Variants in DMD observed in about 807,000 individuals in gnomAD.
DMD encodes the protein dystrophin.
DMD carries 63 observed loss-of-function variants against 330.1 expected under a neutral mutation model. The ratio of observed to expected loss-of-function variants is 0.19; its 90% CI spans 0.16 to 0.24. The LOEUF is 0.24. DMD is among the 10% of genes least tolerant of loss of function. The pLI, the probability that DMD is intolerant of heterozygous loss-of-function variation, is 1.00. For missense variants in DMD, 3,344 were observed against 2,684.1 expected (o/e 1.25, Z -5.43); for synonymous variants, 1,223 against 959.8 (o/e 1.27, Z -5.07).
At chrX:33,124,158 G>A (rs1477278959) in intron 1 of DMD, among the ~76,000 whole-genome samples, 1 of 103,839 alleles carries the variant, frequency 9.6e-6, no homozygotes, top group Non-Finnish European at 2.0e-5. Context: ...AGAGGGAGAC[G>A]CTGTCTCAAA....
intron 2 of DMD, among the ~76,000 whole-genome samples, chrX:32,947,325 A>G (rs1319641584): frequency 8.9e-6 from 1 of 112,098 alleles, no homozygotes; most frequent in African/African-American, 3.2e-5. Flanking sequence ...TAAAATCTCA[A>G]AGTGAAGTTG....
intron 7 of DMD, among the ~76,000 whole-genome samples, chrX:32,750,569 AG>A (rs1178162350): frequency 1.8e-5 from 2 of 110,928 alleles, no homozygotes; most frequent in Non-Finnish European, 3.8e-5. Flanking sequence ...TGACAGTGAC[AG>A]GAAGCAGAGC....
chrX:32,849,709 T>A lies in DMD; in HGVS notation c.186+19A>T. 8.7e-7 allele frequency: 1 copy of A among 1,146,519 alleles called. No homozygotes were observed. Among genetic ancestry groups the A allele is most frequent in the Non-Finnish European group, 1.2e-6 (1 of 836,527 alleles). The allele number at this position is 1,146,519 out of a possible 1,213,427, so 94.5% of individuals were successfully genotyped here. A position where few individuals can be genotyped will look rare whatever the true frequency, so the allele number is the denominator to read the frequency against. On this transcript the variant is annotated intron_variant, in intron 3 of 78. Transcript: ENST00000357033. ...TCTACTAAGTTTAAAGTTAACTTTC[T>A]TAAAAATAAGTCACATACCAGTTTT...
chrX:31,505,266 C>G (rs780223637), intron 56 of DMD, among the ~76,000 whole-genome samples: 131 of 111,619 alleles, frequency 1.2e-3, no homozygotes, highest in African/African-American at 4.0e-3. Context: ...GCTAATAGAG[C>G]CTCCCTATCT....
chrX:31,800,954 T>A (rs113900185), intron 50 of DMD, among the ~76,000 whole-genome samples: 13,356 of 110,804 alleles, frequency 0.12, 596 homozygotes, highest in East Asian at 0.18. Context: ...AAGTTTCAAA[T>A]TTTCCCACAT....
chrX:31,491,780 T>C (rs1419476824), intron 57 of DMD, among the ~76,000 whole-genome samples: 1 of 111,790 alleles, frequency 8.9e-6, no homozygotes, highest in Non-Finnish European at 1.9e-5. Flanking sequence ...TGACAGCAAT[T>C]GATATTGACT....
At position 31,429,832 on chromosome X, in the gene DMD, G is replaced by A. The variant is rs150861562; in HGVS notation, c.9084+14649C>T. On this transcript the variant is annotated intron_variant, in intron 60 of 78. Coordinates refer to ENST00000357033, the MANE Select transcript of DMD (RefSeq NM_004006.3). ...TCAGATGGCTGGGAAGAGGGAGATG[G>A]GGCAGTTGCTGTCTAATTAGTGTGG... Among the ~76,000 whole-genome samples, 735 of 110,308 alleles carry A rather than the reference G, an allele frequency of 6.7e-3. 7 individuals carry two copies. The highest frequency in any genetic ancestry group is 0.023 in the African/African-American group (708 of 30,276).
chrX:31,496,058 G>A (rs1362499691), intron 57 of DMD, among the ~76,000 whole-genome samples: 1 of 111,830 alleles, frequency 8.9e-6, no homozygotes, highest in East Asian at 2.8e-4. Context: ...TACTACAGTT[G>A]CATGACATAT....
chrX:31,745,854 T>A (rs1290811667), intron 51 of DMD, among the ~76,000 whole-genome samples: 1 of 112,212 alleles, frequency 8.9e-6, no homozygotes, highest in Admixed American at 9.5e-5. Flanking sequence ...GAAATTGAGA[T>A]CTCTCTGGAA....
intron 7 of DMD, among the ~76,000 whole-genome samples, chrX:32,767,736 T>C (rs936789169): frequency 2.5e-4 from 28 of 111,788 alleles, no homozygotes; most frequent in Admixed American, 2.2e-3. Context: ...TATAAAACAT[T>C]ATGCAAGTAT....
chrX:32,920,821 G>A (rs1445350695), intron 2 of DMD, among the ~76,000 whole-genome samples: 2 of 112,007 alleles, frequency 1.8e-5, no homozygotes, highest in Non-Finnish European at 3.8e-5. Flanking sequence ...AATATAATAA[G>A]TGTTATTGAA....
At chrX:32,777,277 T>TGGCGGGGG (rs1557019894) in intron 7 of DMD, among the ~76,000 whole-genome samples, 1 of 2,111 alleles carries the variant, frequency 4.7e-4, no homozygotes, top group African/African-American at 3.1e-3. Context: ...GGTTTCTGGT[T>TGGCGGGGG]GGGGGGGGAA....
At chrX:33,218,770 C>G (rs186576375) in intron 1 of DMD, among the ~76,000 whole-genome samples, 181 of 111,584 alleles carry the variant, frequency 1.6e-3, no homozygotes, top group Non-Finnish European at 2.3e-3. Context: ...CATAGGACAA[C>G]TGAGAATATT....
At position 32,642,522 on chromosome X, in the gene DMD, A is replaced by G. The variant is rs375144521; in HGVS notation, c.1331+1610T>C. ...GGGATGAGGAAATTACACGCACAGA[A>G]GTCTAGGTGTCTGTCATCCTTCACT... On this transcript the variant is annotated intron_variant, in intron 11 of 78. Transcript: ENST00000357033. Among the ~76,000 whole-genome samples the G allele has an allele frequency of 3.6e-5, 4 of 112,198 alleles. No homozygotes were observed. In the South Asian group the frequency reaches 1.5e-3, roughly 41 times the overall value.
At chrX:33,089,283 C>A (rs2095053467) in intron 1 of DMD, among the ~76,000 whole-genome samples, 1 of 110,380 alleles carries the variant, frequency 9.1e-6, no homozygotes, top group Non-Finnish European at 1.9e-5. Flanking sequence ...CCAGGATGGT[C>A]TCGATCTCTT....
At chrX:33,009,705 CGTATATGTGTATATGTGTGTATAT>C (rs2093596238) in intron 2 of DMD, among the ~76,000 whole-genome samples, 1 of 57,100 alleles carries the variant, frequency 1.8e-5, no homozygotes, top group Non-Finnish European at 3.5e-5. Context: ...TGTGTGTATA[CGTATATGTGTATATGTGTGTATAT>C]GTGTATATAC....
intron 7 of DMD, among the ~76,000 whole-genome samples, chrX:32,781,413 T>C (rs2074746526): frequency 8.9e-6 from 1 of 112,071 alleles, no homozygotes; most frequent in African/African-American, 3.2e-5. Context: ...GTTAATATTG[T>C]ACTAAACAGT....
rs1302385738 is a variant in DMD at position 31,274,381 on chromosome X, C to G, written c.9225-13365G>C. 5.4e-5 allele frequency among the ~76,000 whole-genome samples: 6 copies of G among 111,823 alleles called. No individual in the cohort carries two copies. The East Asian group carries it at 1.7e-3, about 31-fold the overall frequency. ...GTTCATATTCTCAGACAGCAGAAAC[C>G]TGGAGTAGTCAGAGAGCAAGTGAAT... On this transcript the variant is annotated intron_variant, in intron 62 of 78. Transcript: ENST00000357033.
At chrX:33,243,826 A>G (rs2052625440) in intron 1 of DMD, among the ~76,000 whole-genome samples, 1 of 111,707 alleles carries the variant, frequency 9.0e-6, no homozygotes, top group Admixed American at 9.5e-5. Flanking sequence ...ATGTGGGAGC[A>G]AAATAATGTG....
Sources: gnomAD v4.1 joint callset for allele counts (sites outside exome capture counted in the v4.1 genomes callset) on GRCh38, gnomAD v4.1.1 for gene constraint, MANE v1.5 for transcripts, NCBI Gene and HGNC (gene_info 2026-07-23, HGNC 2026-07-21) for gene names.